MUC5AC: variants seen among roughly 807,000 people sequenced by gnomAD.
The protein encoded by MUC5AC is mucin 5AC, oligomeric mucus/gel-forming.
MUC5AC carries 158 observed loss-of-function variants against 169.7 expected under a neutral mutation model. The observed-to-expected ratio is 0.93, with a 90% CI of 0.82 to 1.06. MUC5AC has a LOEUF of 1.06. Ranked by LOEUF, MUC5AC falls within the 50% of genes least tolerant of loss-of-function variation. The pLI is 0.00. For synonymous variants in MUC5AC, 1,975 were observed against 1,237.0 expected, an observed-to-expected ratio of 1.60 and a Z score of -12.52; for missense variants, 4,359 against 3,089.9, an observed-to-expected ratio of 1.41 and a Z score of -9.74.
chr11:1,192,202 T>G lies in MUC5AC; in HGVS notation c.14057T>G (p.Ile4686Ser), dbSNP rs1399832564. ...CRAESHPEVN[I>S]EHLGQVVQCS... ...GCCGAGAGCCACCCGGAGGTGAACATTGAACACCTGGGTCAGGTGGTGCAG... is the reference window on the plus strand; with the variant it reads ...GCCGAGAGCCACCCGGAGGTGAACAGTGAACACCTGGGTCAGGTGGTGCAG... The change falls in exon 31 of 49, where the codon ATT becomes AGT. Residue 4686 changes from isoleucine to serine, a missense_variant. Ile to Ser is a moderately radical substitution (Grantham distance 142). Coordinates refer to ENST00000621226, the MANE Select transcript of MUC5AC (RefSeq NM_001304359.2). The G allele has an allele frequency of 1.7e-5, 13 of 764,898 alleles. No individual in the cohort carries two copies. The Admixed American group carries it at 2.0e-4, about 12-fold the overall frequency. 47.4% of individuals were successfully genotyped at this position (764,898 alleles called of 1,614,324 possible).
rs1196265024 is a variant in MUC5AC at position 1,194,365 on chromosome 11, G to C, written c.15006+5G>C. 1 of 719,182 alleles carries C rather than the reference G, an allele frequency of 1.4e-6. No individual in the cohort carries two copies. Among genetic ancestry groups the C allele is most frequent in the African/African-American group, 1.7e-5 (1 of 57,988 alleles). 44.6% of individuals were successfully genotyped at this position (719,182 alleles called of 1,614,324 possible). A position where few individuals can be genotyped will look rare whatever the true frequency, so the allele number is the denominator to read the frequency against. ...CACGGGGTGATGACAAACGAGGTGG[G>C]GGCGCGCCCGGTGTGCCGCGGAGGG... On this transcript the variant is annotated splice_donor_5th_base_variant and intron_variant, in intron 34 of 48. Transcript: ENST00000621226.
intron 15 of MUC5AC, among the ~76,000 whole-genome samples, chr11:1,170,573 C>T (rs1412127318): frequency 7.4e-6 from 1 of 134,636 alleles, no homozygotes; most frequent in Non-Finnish European, 1.6e-5. Flanking sequence ...ACCCACTCAC[C>T]CACTCACCTA....
At position 1,188,487 on chromosome 11, in the gene MUC5AC, T is replaced by A. The variant is rs1590146831; in HGVS notation, c.10342T>A (p.Ser3448Thr). 1 of 697,518 alleles carries A rather than the reference T, an allele frequency of 1.4e-6. No homozygotes were observed. Among genetic ancestry groups the A allele is most frequent in the African/African-American group, 1.8e-5 (1 of 57,054 alleles). 43.2% of individuals were successfully genotyped at this position (697,518 alleles called of 1,614,324 possible). ...CTCTTCCCCTACAACCAGCACAACC[T>A]CTGCTACTACAACCAGCACAACCTC... ...TTSSPTTSTT[S>T]ATTTSTTSAP... Residue 3448 changes from serine to threonine, a missense_variant, in exon 31 of 49, where the codon TCT becomes ACT. Ser to Thr is a moderately conservative substitution (Grantham distance 58). Transcript: ENST00000621226.
chr11:1,167,267 A>T, intron 11 of MUC5AC, among the ~76,000 whole-genome samples: 1 of 130,452 alleles, frequency 7.7e-6, no homozygotes, highest in East Asian at 2.3e-4. Flanking sequence ...CCCAGATGAG[A>T]CTCTGCACCC....
Position 1,162,653 on chromosome 11 carries a change from C to G in MUC5AC, c.588+7C>G. The G allele has an allele frequency of 6.2e-7, 1 of 1,611,538 alleles. No individual in the cohort carries two copies. Among genetic ancestry groups the G allele is most frequent in the Non-Finnish European group, 8.5e-7 (1 of 1,178,786 alleles). ...CCACGATGACAGCCTGCTGGTGAGGCTGGGTGGGGGTGTCCCGGTGTGCAA... is the reference window on the plus strand; with the variant it reads ...CCACGATGACAGCCTGCTGGTGAGGGTGGGTGGGGGTGTCCCGGTGTGCAA... On this transcript the variant is annotated splice_region_variant and intron_variant, in intron 5 of 48. Transcript: ENST00000621226.
At chr11:1,167,720 A>G (rs1860376776) in intron 11 of MUC5AC, among the ~76,000 whole-genome samples, 157 bp from the exon 12 acceptor site, 7 of 152,128 alleles carry the variant, frequency 4.6e-5, no homozygotes, top group Admixed American at 4.6e-4. Context: ...GGGTGTCCAC[A>G]CCTGGGGGCC....
chr11:1,176,027 C>T, intron 19 of MUC5AC, 124 bp from the exon 20 acceptor site: 1 of 398,140 alleles, frequency 2.5e-6, no homozygotes, highest in Non-Finnish European at 4.4e-6. Context: ...TGCACTCACA[C>T]CCACTCATGC....
At chr11:1,199,239 T>C in intron 45 of MUC5AC, 54 bp downstream of exon 45, 2 of 718,826 alleles carry the variant, frequency 2.8e-6, no homozygotes, top group Non-Finnish European at 5.1e-6. Context: ...CACTGGGGCA[T>C]GTGGGGACCT....
chr11:1,188,854 G>A lies in MUC5AC; in HGVS notation c.10709G>A (p.Arg3570Gln), dbSNP rs1590147010. The change falls in exon 31 of 49, where the codon CGA becomes CAA. Residue 3570 changes from arginine to glutamine, a missense_variant. By Grantham distance (43) the Arg-to-Gln change is conservative. Coordinates refer to ENST00000621226, the MANE Select transcript of MUC5AC (RefSeq NM_001304359.2). ...GAGGAGATCACCAGGCTCCAGTGCC[G>A]AGCCAAGAGCCACCCGGAGGTGAGC... ...RPEEITRLQC[R>Q]AKSHPEVSIE... 15 of 763,348 alleles carry A rather than the reference G, an allele frequency of 2.0e-5. No individual in the cohort carries two copies. The highest frequency in any genetic ancestry group is 6.7e-5 in the South Asian group (5 of 74,328). The allele number at this position is 763,348 out of a possible 1,614,324, so 47.3% of individuals were successfully genotyped here.
Position 1,180,502 on chromosome 11 carries a change from G to T in MUC5AC, c.3762G>T (p.Lys1254Asn). The T allele has an allele frequency of 2.5e-6, 1 of 398,796 alleles. No homozygotes were observed. Among genetic ancestry groups the T allele is most frequent in the African/African-American group, 2.1e-5 (1 of 48,758 alleles). 24.7% of individuals were successfully genotyped at this position (398,796 alleles called of 1,614,324 possible). ...CAGGTGCAGTGGTGCCCTCGGACAAGAACTGCCAGTCCTGGTGAGTCCTTT... is the reference window on the plus strand; with the variant it reads ...CAGGTGCAGTGGTGCCCTCGGACAATAACTGCCAGTCCTGGTGAGTCCTTT... ...YRPGAVVPSD[K>N]NCQSCLCTER... The change falls in exon 28 of 49, where the codon AAG becomes AAT. Residue 1254 changes from lysine to asparagine, a missense_variant. Lys to Asn is a moderately conservative substitution (Grantham distance 94). Coordinates refer to ENST00000621226, the MANE Select transcript of MUC5AC (RefSeq NM_001304359.2).
chr11:1,181,263 C>A lies in MUC5AC; in HGVS notation c.3821-8C>A, dbSNP rs1418981096. 4 of 398,438 alleles carry A rather than the reference C, an allele frequency of 1.0e-5. No homozygotes were observed. Among genetic ancestry groups the A allele is most frequent in the East Asian group, 7.1e-5 (2 of 28,050 alleles). The allele number at this position is 398,438 out of a possible 1,614,324, so 24.7% of individuals were successfully genotyped here. ...CCTCTGACGGGCCTGGGCCCTCCGTCCCCATAGCCTGTGTCTGCACCTACA... is the reference window on the plus strand; with the variant it reads ...CCTCTGACGGGCCTGGGCCCTCCGTACCCATAGCCTGTGTCTGCACCTACA... On this transcript the variant is annotated splice_region_variant and splice_polypyrimidine_tract_variant and intron_variant, in intron 29 of 48. Coordinates refer to ENST00000621226, the MANE Select transcript of MUC5AC (RefSeq NM_001304359.2).
At position 1,185,949 on chromosome 11, in the gene MUC5AC, A is replaced by G. The variant is rs1860932832; in HGVS notation, c.7804A>G (p.Thr2602Ala). The G allele has an allele frequency of 6.8e-6, 5 of 739,832 alleles. No homozygotes were observed. The highest frequency in any genetic ancestry group is 1.8e-5 in the Admixed American group (1 of 54,940). 45.8% of individuals were successfully genotyped at this position (739,832 alleles called of 1,614,324 possible). A position where few individuals can be genotyped will look rare whatever the true frequency, so the allele number is the denominator to read the frequency against. ...AACTACTCCCAGTGCTGTTCCCACC[A>G]CCAGCATAACCTCTGCACCTACAAC... The part of the protein sequence containing the change: ...PGTTPSAVPT[T>A]SITSAPTTST... The change falls in exon 31 of 49, where the codon ACC becomes GCC. Residue 2602 changes from threonine to alanine, a missense_variant. Coordinates refer to ENST00000621226, the MANE Select transcript of MUC5AC (RefSeq NM_001304359.2).
chr11:1,169,992 AT>A (rs1217334046), intron 15 of MUC5AC, among the ~76,000 whole-genome samples: 2 of 132,480 alleles, frequency 1.5e-5, no homozygotes, highest in Non-Finnish European at 3.2e-5. Flanking sequence ...CCACTCACCC[AT>A]TCACCCATTC....
At position 1,182,382 on chromosome 11, in the gene MUC5AC, C is replaced by A. The variant is rs1471481420; in HGVS notation, c.4237C>A (p.Leu1413Ile). 3 of 398,482 alleles carry A rather than the reference C, an allele frequency of 7.5e-6. No individual in the cohort carries two copies. The highest frequency in any genetic ancestry group is 4.1e-5 in the African/African-American group (2 of 48,634). The allele number at this position is 398,482 out of a possible 1,614,324, so 24.7% of individuals were successfully genotyped here. A position where few individuals can be genotyped will look rare whatever the true frequency, so the allele number is the denominator to read the frequency against. Residue 1413 changes from leucine (L) to isoleucine (I), a missense_variant, in exon 31 of 49, where the codon CTC becomes ATC. Physicochemically the swap from Leu to Ile is conservative, Grantham distance 5. Coordinates refer to ENST00000621226, the MANE Select transcript of MUC5AC (RefSeq NM_001304359.2). ...CGGTGACTTCGACACACTGGAGAACCTCCGCGCCCATGGGTACCGGGTGTG... is the reference window on the plus strand; with the variant it reads ...CGGTGACTTCGACACACTGGAGAACATCCGCGCCCATGGGTACCGGGTGTG... ...DSGDFDTLEN[L>I]RAHGYRVCES...
chr11:1,165,874 G>C (rs1860309489), intron 11 of MUC5AC, 114 bp downstream of exon 11: 5 of 1,466,452 alleles, frequency 3.4e-6, no homozygotes, highest in Admixed American at 1.8e-5. Context: ...CACCCTTGGG[G>C]GTCCCCGATG....
At chr11:1,179,383 A>AGG (rs1860759477) in intron 26 of MUC5AC, 135 bp downstream of exon 26, 10 of 470,550 alleles carry the variant, frequency 2.1e-5, no homozygotes, top group Non-Finnish European at 3.8e-5. Flanking sequence ...CTGGGCCCAG[A>AGG]GAGGAGGGCG....
rs2133748420 is a variant in MUC5AC at position 1,179,377 on chromosome 11, G to A, written c.3484+129G>A. The A allele has an allele frequency of 2.8e-5, 13 of 464,648 alleles. 1 individual carries two copies. The South Asian group carries it at 5.7e-4, about 20-fold the overall frequency. 28.8% of individuals were successfully genotyped at this position (464,648 alleles called of 1,614,324 possible). On this transcript the variant is annotated intron_variant, in intron 26 of 48. Coordinates refer to ENST00000621226, the MANE Select transcript of MUC5AC (RefSeq NM_001304359.2). Reference sequence around the variant, plus strand: ...TTTCCAAATAAACAGAAACACCTGGGCCCAGAGAGGAGGGCGTGGCTGACA... The same window carrying A: ...TTTCCAAATAAACAGAAACACCTGGACCCAGAGAGGAGGGCGTGGCTGACA...
chr11:1,175,911 A>T (rs1173376916), intron 19 of MUC5AC, among the ~76,000 whole-genome samples: 1 of 138,132 alleles, frequency 7.2e-6, no homozygotes, highest in Non-Finnish European at 1.5e-5. Context: ...ACATGCACAC[A>T]CACCCACTCA....
intron 6 of MUC5AC, 60 bp downstream of exon 6, chr11:1,163,105 G>A: frequency 6.8e-7 from 1 of 1,475,812 alleles, no homozygotes; most frequent in Non-Finnish European, 9.5e-7. Flanking sequence ...TCAGTGTTGT[G>A]TGCACACACA....
Sources: allele counts gnomAD v4.1 joint callset (sites outside exome capture counted in the v4.1 genomes callset), GRCh38; gene constraint gnomAD v4.1.1; transcripts MANE v1.5; gene names NCBI Gene and HGNC (gene_info 2026-07-23, HGNC 2026-07-21).